GRM8: variants seen among roughly 807,000 people sequenced by gnomAD.
GRM8 encodes the protein metabotropic glutamate receptor 8.
A neutral mutation model predicts 87.2 loss-of-function variants in GRM8; 47 were observed. That is an observed-to-expected ratio of 0.54 (90% CI 0.43 to 0.69). The LOEUF is 0.69. GRM8 is among the 30% of genes least tolerant of loss of function. GRM8 has a pLI of 0.00. For synonymous variants in GRM8, 396 were observed against 404.5 expected (o/e 0.98, Z 0.25); for missense variants, 1,019 against 1,139.2 (o/e 0.89, Z 1.52).
At chr7:126,824,262 T>A (rs1794558114) in intron 6 of GRM8, among the ~76,000 whole-genome samples, 1 of 152,200 alleles carries the variant, frequency 6.6e-6, no homozygotes, top group South Asian at 2.1e-4. Context: ...AATGGGATGT[T>A]GCCAAGTTTG....
chr7:126,829,841 C>T (rs1051344183), intron 6 of GRM8, among the ~76,000 whole-genome samples: 4 of 151,902 alleles, frequency 2.6e-5, no homozygotes, highest in Non-Finnish European at 4.4e-5. Flanking sequence ...CGGCTGGTAC[C>T]GGTTGTGCCT....
chr7:127,121,242 C>A (rs1827070466), intron 2 of GRM8, among the ~76,000 whole-genome samples: 1 of 152,162 alleles, frequency 6.6e-6, no homozygotes, highest in Non-Finnish European at 1.5e-5. Context: ...CGAATTAGCT[C>A]ATTTTCAGGA....
At position 126,663,966 on chromosome 7, in the gene GRM8, G is replaced by A. The variant is rs146089069; in HGVS notation, c.1358-54468C>T. On this transcript the variant is annotated intron_variant, in intron 7 of 10. Transcript: ENST00000339582. ...AAGTGTCCGGATACAAAATCAACGT[G>A]GAGAAATCAGTAGCATTTCTATACA... Among the ~76,000 whole-genome samples, 446 of 152,202 alleles carry A rather than the reference G, an allele frequency of 2.9e-3. 2 individuals carry two copies. The highest frequency in any genetic ancestry group is 1.0e-2 in the African/African-American group (414 of 41,518).
chr7:126,985,093 T>G (rs937173492), intron 3 of GRM8, among the ~76,000 whole-genome samples: 3 of 152,140 alleles, frequency 2.0e-5, no homozygotes, highest in Non-Finnish European at 4.4e-5. Context: ...CTGAGCTTAT[T>G]GACACAAATG....
chr7:127,205,751 C>G (rs1795874944), intron 2 of GRM8, among the ~76,000 whole-genome samples: 1 of 152,152 alleles, frequency 6.6e-6, no homozygotes, highest in Non-Finnish European at 1.5e-5. Context: ...TCTGTTTGTG[C>G]CCAAACTTTC....
At chr7:126,586,786 T>G (rs945405765) in intron 8 of GRM8, among the ~76,000 whole-genome samples, 1 of 152,078 alleles carries the variant, frequency 6.6e-6, no homozygotes, top group Non-Finnish European at 1.5e-5. Context: ...ACTTCATGTC[T>G]AAAACACCAA....
At chr7:126,556,805 A>G (rs949891483) in intron 8 of GRM8, among the ~76,000 whole-genome samples, 1 of 152,198 alleles carries the variant, frequency 6.6e-6, no homozygotes, top group Non-Finnish European at 1.5e-5. Flanking sequence ...TGTTCCAAAA[A>G]TGCATTTTGC....
At chr7:127,178,795 A>T (rs892863018) in intron 2 of GRM8, among the ~76,000 whole-genome samples, 2 of 152,208 alleles carry the variant, frequency 1.3e-5, no homozygotes, top group Non-Finnish European at 2.9e-5. Context: ...ATGCTGAGAG[A>T]ATTCACCTAT....
At chr7:126,771,193 A>G (rs1818808265) in intron 6 of GRM8, among the ~76,000 whole-genome samples, 2 of 152,092 alleles carry the variant, frequency 1.3e-5, no homozygotes, top group South Asian at 4.1e-4. Flanking sequence ...CATATAACCT[A>G]CATATTTAGA....
chr7:127,111,030 A>G (rs1477330848), intron 2 of GRM8: 1 of 152,194 alleles, frequency 6.6e-6, no homozygotes, highest in Non-Finnish European at 1.5e-5. Flanking sequence ...CTTGAAGTCC[A>G]TGCTACTCAC....
intron 6 of GRM8, among the ~76,000 whole-genome samples, chr7:126,821,056 T>G (rs1586072084): frequency 6.6e-6 from 1 of 152,188 alleles, no homozygotes; most frequent in Admixed American, 6.5e-5. Context: ...GAGCTGAGAT[T>G]GTGCCACTGC....
chr7:127,122,026 C>T (rs1827118609), intron 2 of GRM8, among the ~76,000 whole-genome samples: 2 of 152,214 alleles, frequency 1.3e-5, no homozygotes, highest in African/African-American at 4.8e-5. Flanking sequence ...AAAAAAAGTT[C>T]ATTTCACTTC....
intron 2 of GRM8, among the ~76,000 whole-genome samples, chr7:127,225,605 C>G (rs1797273403): frequency 1.3e-5 from 2 of 150,878 alleles, no homozygotes; most frequent in Admixed American, 1.3e-4. Context: ...GAGCTGGGTA[C>G]AAATCAGTCA....
At chr7:127,209,197 G>A (rs958586381) in intron 2 of GRM8, among the ~76,000 whole-genome samples, 2 of 152,132 alleles carry the variant, frequency 1.3e-5, no homozygotes, top group African/African-American at 4.8e-5. Flanking sequence ...TTTGCACTCC[G>A]AAATTGCTAG....
At chr7:127,244,999 T>C (rs1370635898) in intron 1 of GRM8, among the ~76,000 whole-genome samples, 1 of 152,194 alleles carries the variant, frequency 6.6e-6, no homozygotes, top group Non-Finnish European at 1.5e-5. Flanking sequence ...AAATACTTTC[T>C]GATTTTTCTC....
At chr7:126,835,995 G>C (rs1185113601) in intron 6 of GRM8, among the ~76,000 whole-genome samples, 1 of 152,030 alleles carries the variant, frequency 6.6e-6, no homozygotes, top group Non-Finnish European at 1.5e-5. Context: ...ATCAGTCAAG[G>C]GTATCATCCC....
chr7:126,629,579 A>G (rs1801048452), intron 7 of GRM8, among the ~76,000 whole-genome samples: 1 of 152,204 alleles, frequency 6.6e-6, no homozygotes, highest in African/African-American at 2.4e-5. Context: ...CTTTATAGGA[A>G]CAGATGCCTA....
intron 6 of GRM8, among the ~76,000 whole-genome samples, chr7:126,790,605 ATGATTG>A (rs1821175946): frequency 6.6e-6 from 1 of 152,290 alleles, no homozygotes; most frequent in Admixed American, 6.5e-5. Flanking sequence ...ATTAAGGATT[ATGATTG>A]TAAGTCCTAG....
chr7:127,198,669 ATT>A (rs113555701), intron 2 of GRM8, among the ~76,000 whole-genome samples: 2 of 144,528 alleles, frequency 1.4e-5, no homozygotes, highest in African/African-American at 2.5e-5. Flanking sequence ...ATAGAAATGA[ATT>A]TTTTTTTTTT....
Sources: gnomAD v4.1 joint callset for allele counts (sites outside exome capture counted in the v4.1 genomes callset) on GRCh38, gnomAD v4.1.1 for gene constraint, MANE v1.5 for transcripts, NCBI Gene and HGNC (gene_info 2026-07-23, HGNC 2026-07-21) for gene names.